Variants in DENND1A observed in about 807,000 individuals in gnomAD.
The protein encoded by DENND1A is DENN domain containing 1A.
Under a neutral mutation model 113.7 loss-of-function variants are expected in DENND1A, and 51 were observed. The ratio of observed to expected loss-of-function variants is 0.45; its 90% CI spans 0.36 to 0.57. The LOEUF is 0.57. Among genes scored for constraint, DENND1A ranks in the 20% least tolerant of loss-of-function variants. The pLI is 0.00. For synonymous variants in DENND1A, 565 were observed against 570.8 expected, an observed-to-expected ratio of 0.99 and a Z score of 0.14; for missense variants, 1,258 against 1,395.9, an observed-to-expected ratio of 0.90 and a Z score of 1.57.
At chr9:123,553,250 T>G (rs1172511949) in intron 13 of DENND1A, among the ~76,000 whole-genome samples, 1 of 152,154 alleles carries the variant, frequency 6.6e-6, no homozygotes, top group Admixed American at 6.5e-5. Context: ...AGACCCCGTC[T>G]CAAAATAATA....
At chr9:123,582,320 C>T (rs1164394462) in intron 12 of DENND1A, among the ~76,000 whole-genome samples, 1 of 152,158 alleles carries the variant, frequency 6.6e-6, no homozygotes, top group Non-Finnish European at 1.5e-5. Context: ...GAGGAGAGGT[C>T]TGGACACTAA....
chr9:123,437,086 C>T (rs374431040), intron 19 of DENND1A, among the ~76,000 whole-genome samples: 5 of 152,140 alleles, frequency 3.3e-5, no homozygotes, highest in African/African-American at 1.2e-4. Context: ...CTGGGGGGCC[C>T]TGGGAGTGCT....
chr9:123,724,264 G>A (rs557453102), intron 5 of DENND1A, among the ~76,000 whole-genome samples: 64 of 152,226 alleles, frequency 4.2e-4, no homozygotes, highest in Non-Finnish European at 6.3e-4. Flanking sequence ...CTGAAGGGAG[G>A]GAGCATCCAG....
chr9:123,395,468 C>CTCTGTGTGTGTG, intron 21 of DENND1A, among the ~76,000 whole-genome samples: 1 of 142,982 alleles, frequency 7.0e-6, no homozygotes, highest in African/African-American at 2.7e-5. Context: ...CTCTCTCTCT[C>CTCTGTGTGTGTG]TGTGTGTGTG....
chr9:123,594,860 A>C (rs2059614989), intron 11 of DENND1A, among the ~76,000 whole-genome samples: 1 of 152,204 alleles, frequency 6.6e-6, no homozygotes, highest in Non-Finnish European at 1.5e-5. Flanking sequence ...GTGGCCTCCT[A>C]GGAGGAAAGG....
chr9:123,878,214 A>C (rs1588051848), intron 2 of DENND1A, among the ~76,000 whole-genome samples: 1 of 152,106 alleles, frequency 6.6e-6, no homozygotes, highest in East Asian at 1.9e-4. Context: ...AAAAAAAAAA[A>C]AAATAATATT....
At chr9:123,663,769 G>A (rs534118375) in intron 8 of DENND1A, among the ~76,000 whole-genome samples, 20 of 151,458 alleles carry the variant, frequency 1.3e-4, no homozygotes, top group South Asian at 2.1e-4. Flanking sequence ...AATGTTCAGC[G>A]TACATTGTTA....
At chr9:123,514,777 C>T (rs1478403072) in intron 13 of DENND1A, among the ~76,000 whole-genome samples, 1 of 152,180 alleles carries the variant, frequency 6.6e-6, no homozygotes, top group Non-Finnish European at 1.5e-5. Flanking sequence ...GGGTGTGTTA[C>T]ACATTCCTTG....
intron 13 of DENND1A, among the ~76,000 whole-genome samples, chr9:123,509,946 G>A (rs1387693088): frequency 6.6e-6 from 1 of 152,202 alleles, no homozygotes; most frequent in Non-Finnish European, 1.5e-5. Context: ...TACCTCAGAT[G>A]AACCTACCTG....
chr9:123,471,500 G>A (rs187729540), intron 13 of DENND1A, among the ~76,000 whole-genome samples: 16 of 152,324 alleles, frequency 1.1e-4, no homozygotes, highest in East Asian at 7.7e-4. Flanking sequence ...CATGTGACAC[G>A]CGCTACCTGT....
intron 1 of DENND1A, among the ~76,000 whole-genome samples, chr9:123,879,661 A>T (rs1016930391): frequency 6.6e-6 from 1 of 152,224 alleles, no homozygotes; most frequent in Non-Finnish European, 1.5e-5. Flanking sequence ...CCACAGCTGG[A>T]TCACCAAACC....
At chr9:123,876,832 C>G (rs1489443089) in intron 2 of DENND1A, among the ~76,000 whole-genome samples, 1 of 152,096 alleles carries the variant, frequency 6.6e-6, no homozygotes, top group Non-Finnish European at 1.5e-5. Flanking sequence ...TAAGTGTCCA[C>G]CAATGGGCAA....
intron 20 of DENND1A, among the ~76,000 whole-genome samples, chr9:123,408,791 C>T (rs1037865814): frequency 3.0e-4 from 45 of 152,344 alleles, no homozygotes; most frequent in African/African-American, 8.9e-4. Context: ...CAGCCCACCC[C>T]GCAATCTGCA....
chr9:123,544,093 T>C (rs2056482769), intron 13 of DENND1A, among the ~76,000 whole-genome samples: 1 of 152,256 alleles, frequency 6.6e-6, no homozygotes, highest in Middle Eastern at 3.2e-3. Flanking sequence ...GCTTTTATCA[T>C]GATTGTCAAT....
At chr9:123,585,112 G>T (rs948522444) in intron 11 of DENND1A, among the ~76,000 whole-genome samples, 1 of 152,150 alleles carries the variant, frequency 6.6e-6, no homozygotes, top group Non-Finnish European at 1.5e-5. Flanking sequence ...CCAGGCAGCA[G>T]AATCCCGGAA....
chr9:123,614,591 T>TA (rs879563400), intron 10 of DENND1A, among the ~76,000 whole-genome samples: 1,996 of 142,340 alleles, frequency 0.014, 39 homozygotes, highest in African/African-American at 0.043. Flanking sequence ...ACTGGCTGCT[T>TA]AAAAAAAAAA....
rs1244323305 is a variant in DENND1A at position 123,630,607 on chromosome 9, T to C, written c.619-131A>G. 16 of 547,126 alleles carry C rather than the reference T, an allele frequency of 2.9e-5. No homozygotes were observed. In the Middle Eastern group the frequency reaches 1.8e-3, roughly 60 times the overall value. The allele number at this position is 547,126 out of a possible 1,614,324, so 33.9% of individuals were successfully genotyped here. Reference sequence around the variant, plus strand: ...AAGCTGAAAAACCTGGAGAAATCATTCTAAGTTAACTCAATCACCCTAATT... The same window carrying C: ...AAGCTGAAAAACCTGGAGAAATCATCCTAAGTTAACTCAATCACCCTAATT... On this transcript the variant is annotated intron_variant, in intron 9 of 23. Transcript: ENST00000394215.
intron 22 of DENND1A, among the ~76,000 whole-genome samples, chr9:123,385,154 A>G (rs1344244119): frequency 6.6e-6 from 1 of 152,062 alleles, no homozygotes; most frequent in African/African-American, 2.4e-5. Context: ...TGGGAAGTGC[A>G]TCTAGCCTTT....
chr9:123,924,865 T>C (rs1856834605), intron 1 of DENND1A, among the ~76,000 whole-genome samples: 1 of 152,176 alleles, frequency 6.6e-6, no homozygotes, highest in Non-Finnish European at 1.5e-5. Context: ...GAAATATGCC[T>C]AGGGTTTTCT....
Sources: gnomAD v4.1 joint callset for allele counts (sites outside exome capture counted in the v4.1 genomes callset) on GRCh38, gnomAD v4.1.1 for gene constraint, MANE v1.5 for transcripts, NCBI Gene and HGNC (gene_info 2026-07-23, HGNC 2026-07-21) for gene names.